The following PAX1 variants were observed in gnomAD, a reference collection of about 807,000 sequenced individuals.
PAX1 encodes paired box protein Pax-1.
Under a neutral mutation model 35.6 loss-of-function variants are expected in PAX1, and 18 were observed. The ratio of observed to expected loss-of-function variants is 0.50; its 90% CI spans 0.35 to 0.75. The LOEUF (loss-of-function observed/expected upper bound fraction) is 0.75. PAX1 is among the 30% of genes least tolerant of loss of function. PAX1 has a pLI of 0.01. For missense variants in PAX1, 760 were observed against 661.5 expected (o/e 1.15, Z -1.63); for synonymous variants, 397 against 305.2 (o/e 1.30, Z -3.14).
At chr20:21,708,432 G>A in intron 2 of PAX1, 126 bp from the exon 3 acceptor site, 1 of 1,081,850 alleles carries the variant, frequency 9.2e-7, no homozygotes, top group Non-Finnish European at 1.4e-6. Context: ...CTGGTGGAGT[G>A]TCAGGCCACC....
Position 21,715,133 on chromosome 20 carries a change from G to T in PAX1, c.*571G>T. The stretch of plus-strand genomic sequence containing the variant: ...CAGCCCTTTTTCCTGGTCCATCCCT[G>T]TCGTTCCTTCTCTCTCTGTCTCTGG... On this transcript the variant is annotated 3_prime_UTR_variant, in exon 5 of 5. Coordinates refer to ENST00000613128, the MANE Select transcript of PAX1 (RefSeq NM_001257096.2). 2.4e-6 allele frequency: 1 copy of T among 419,998 alleles called. No individual in the cohort carries two copies. Among genetic ancestry groups the T allele is most frequent in the Non-Finnish European group, 4.4e-6 (1 of 228,156 alleles). The allele number at this position is 419,998 out of a possible 1,614,324, so 26.0% of individuals were successfully genotyped here. A position where few individuals can be genotyped will look rare whatever the true frequency, so the allele number is the denominator to read the frequency against.
At chr20:21,709,581 A>C (rs1985136240) in intron 4 of PAX1, 137 bp downstream of exon 4, 2 of 655,264 alleles carry the variant, frequency 3.1e-6, no homozygotes, top group Non-Finnish European at 5.1e-6. Context: ...TTCTGGGTTA[A>C]CCTTTGAGCA....
At chr20:21,710,113 T>C (rs1985155341) in intron 4 of PAX1, among the ~76,000 whole-genome samples, 1 of 151,792 alleles carries the variant, frequency 6.6e-6, no homozygotes. Flanking sequence ...GTTCTCTCTT[T>C]CTGTGGAAAA....
intron 3 of PAX1, 72 bp downstream of exon 3, chr20:21,708,772 G>A: frequency 6.5e-7 from 1 of 1,538,594 alleles, no homozygotes; most frequent in Non-Finnish European, 9.0e-7. Flanking sequence ...GGGAAAAAGA[G>A]AGAGAAAGAA....
In PAX1 at chr20:21,707,070, C is replaced by G. The variant is rs1254478570; in HGVS notation, c.916+3C>G. 1.2e-6 allele frequency: 2 copies of G among 1,612,906 alleles called. No homozygotes were observed. The highest frequency in any genetic ancestry group is 1.7e-6 in the Non-Finnish European group (2 of 1,180,026). ...CCGGACGTTTATGGAGCAAACAGGT[C>G]AGTTGTGGCGGCCTCCGTAGCCTTC... On this transcript the variant is annotated splice_donor_region_variant and intron_variant, in intron 2 of 4. Coordinates refer to ENST00000613128, the MANE Select transcript of PAX1 (RefSeq NM_001257096.2).
chr20:21,706,003 G>T lies in PAX1; in HGVS notation c.286+5G>T. 2 of 1,470,006 alleles carry T rather than the reference G, an allele frequency of 1.4e-6. No homozygotes were observed. The highest frequency in any genetic ancestry group is 1.4e-5 in the South Asian group (1 of 72,582). 91.1% of individuals were successfully genotyped at this position (1,470,006 alleles called of 1,614,324 possible). Reference sequence around the variant, plus strand: ...TGGCCGGCCCGCTCGCTATGGGTAAGGGGCGGGCGACAGGCAGGGCTCGGG... The same window carrying T: ...TGGCCGGCCCGCTCGCTATGGGTAATGGGCGGGCGACAGGCAGGGCTCGGG... On this transcript the variant is annotated splice_donor_5th_base_variant and intron_variant, in intron 1 of 4. Transcript: ENST00000613128. This position sits in a 1 kb window ranked among gnomAD's most constrained non-coding sequence, Gnocchi z 5.3.
At position 21,708,649 on chromosome 20, in the gene PAX1, A is replaced by G. The variant is rs1351402181; in HGVS notation, c.1008A>G (p.Ala336=). The part of the protein sequence containing the change: ...VNRTAFPATP[A]VNGLEKPALE... Reference sequence around the variant, plus strand: ...GCACGGCCTTCCCCGCCACCCCCGCAGTGAATGGGCTAGAGAAACCTGCCT... The same window carrying G: ...GCACGGCCTTCCCCGCCACCCCCGCGGTGAATGGGCTAGAGAAACCTGCCT... Residue 336 remains alanine, a synonymous_variant, in exon 3 of 5, where the codon GCA becomes GCG. Transcript: ENST00000613128. The G allele has an allele frequency of 3.1e-6, 5 of 1,613,536 alleles. No homozygotes were observed. In the African/African-American group the frequency reaches 5.3e-5, roughly 17 times the overall value.
Position 21,714,915 on chromosome 20 carries a change from G to A in PAX1, c.*353G>A, listed in dbSNP as rs1187037858. The A allele has an allele frequency of 3.5e-6, 3 of 849,944 alleles. No homozygotes were observed. The highest frequency in any genetic ancestry group is 5.8e-6 in the Non-Finnish European group (3 of 518,202). The allele number at this position is 849,944 out of a possible 1,614,324, so 52.7% of individuals were successfully genotyped here. On this transcript the variant is annotated 3_prime_UTR_variant, in exon 5 of 5. Coordinates refer to ENST00000613128, the MANE Select transcript of PAX1 (RefSeq NM_001257096.2). ...CCGTCTCCGTCTCGCCTCTCTCCCT[G>A]TTTCCTTCCCCCCTCTTTCTTTCTC...
At chr20:21,709,491 A>G (rs748005657) in intron 4 of PAX1, 47 bp downstream of exon 4, 53 of 1,405,470 alleles carry the variant, frequency 3.8e-5, no homozygotes, top group African/African-American at 4.3e-5. Context: ...AAGGGTTAGG[A>G]AGGGTACTGG....
chr20:21,710,724 A>T (rs2122142690), intron 4 of PAX1, among the ~76,000 whole-genome samples: 1 of 152,308 alleles, frequency 6.6e-6, no homozygotes, highest in African/African-American at 2.4e-5. Flanking sequence ...GGAAATAAAG[A>T]TGCCATCCAC....
In PAX1 at chr20:21,717,900, T is replaced by G. The variant is rs900815836; in HGVS notation, c.*3338T>G. On this transcript the variant is annotated 3_prime_UTR_variant, in exon 5 of 5. Coordinates refer to ENST00000613128, the MANE Select transcript of PAX1 (RefSeq NM_001257096.2). The stretch of plus-strand genomic sequence containing the variant: ...AAAGGTGAATGCTGTTATAGTCTTT[T>G]GTGAATCTTTCCAGGAAAAACATGC... 1 of 152,218 alleles carries G rather than the reference T, an allele frequency of 6.6e-6. No homozygotes were observed. Among genetic ancestry groups the G allele is most frequent in the African/African-American group, 2.4e-5 (1 of 41,466 alleles). The allele number at this position is 152,218 out of a possible 1,614,324, so 9.4% of individuals were successfully genotyped here. A position where few individuals can be genotyped will look rare whatever the true frequency, so the allele number is the denominator to read the frequency against.
At position 21,708,642 on chromosome 20, in the gene PAX1, C is replaced by T; in HGVS notation, c.1001C>T (p.Thr334Ile). ...AGVNRTAFPA[T>I]PAVNGLEKPA... ...GTGAACCGCACGGCCTTCCCCGCCA[C>T]CCCCGCAGTGAATGGGCTAGAGAAA... Residue 334 changes from threonine (T) to isoleucine (I), a missense_variant, in exon 3 of 5, where the codon ACC (threonine) becomes ATC (isoleucine). Thr to Ile is a moderately conservative substitution (Grantham distance 89). Coordinates refer to ENST00000613128, the MANE Select transcript of PAX1 (RefSeq NM_001257096.2). The T allele has an allele frequency of 6.2e-7, 1 of 1,613,608 alleles. No homozygotes were observed. The highest frequency in any genetic ancestry group is 8.5e-7 in the Non-Finnish European group (1 of 1,179,988).
At chr20:21,707,160 G>A in intron 2 of PAX1, 93 bp downstream of exon 2, 3 of 1,514,380 alleles carry the variant, frequency 2.0e-6, no homozygotes, top group Non-Finnish European at 2.7e-6. Flanking sequence ...CTCTCCTCCC[G>A]GGACCGGTTC....
rs981358229 is a variant in PAX1 at position 21,717,628 on chromosome 20, A to G, written c.*3066A>G. The G allele has an allele frequency of 6.6e-6, 1 of 152,236 alleles. No individual in the cohort carries two copies. Among genetic ancestry groups the G allele is most frequent in the Non-Finnish European group, 1.5e-5 (1 of 68,040 alleles). The allele number at this position is 152,236 out of a possible 1,614,324, so 9.4% of individuals were successfully genotyped here. A position where few individuals can be genotyped will look rare whatever the true frequency, so the allele number is the denominator to read the frequency against. The stretch of plus-strand genomic sequence containing the variant: ...AAAATTATGCAGCACCACGTCAGGT[A>G]GAATAATTTGAGAAACAATCACTCC... On this transcript the variant is annotated 3_prime_UTR_variant, in exon 5 of 5. Transcript: ENST00000613128.
At position 21,714,689 on chromosome 20, in the gene PAX1, C is replaced by G. The variant is rs141035728; in HGVS notation, c.*127C>G. 1.3e-4 allele frequency: 213 copies of G among 1,605,842 alleles called. No homozygotes were observed. The African/African-American group carries it at 2.1e-3, about 16-fold the overall frequency. ...GACTCGCGGAGGAGGAAGCCAGTGC[C>G]GGCCCGCGGGGTGCACGCCCAGCCA... On this transcript the variant is annotated 3_prime_UTR_variant, in exon 5 of 5. Transcript: ENST00000613128.
rs1198890173 is a variant in PAX1 at position 21,715,877 on chromosome 20, C to T, written c.*1315C>T. 1 of 152,248 alleles carries T rather than the reference C, an allele frequency of 6.6e-6. No homozygotes were observed. The highest frequency in any genetic ancestry group is 1.5e-5 in the Non-Finnish European group (1 of 68,130). 9.4% of individuals were successfully genotyped at this position (152,248 alleles called of 1,614,324 possible). A position where few individuals can be genotyped will look rare whatever the true frequency, so the allele number is the denominator to read the frequency against. On this transcript the variant is annotated 3_prime_UTR_variant, in exon 5 of 5. Transcript: ENST00000613128. ...AAGTTAGGCGAGCTGGTGGTGGTAC[C>T]CTGGACATAATGCAATTCTGTAGTC...
chr20:21,714,940 C>T lies in PAX1; in HGVS notation c.*378C>T. ...GTTTCCTTCCCCCCTCTTTCTTTCT[C>T]ACTCTCCCTCCCTTCCCTTTCTCTT... On this transcript the variant is annotated 3_prime_UTR_variant, in exon 5 of 5. Transcript: ENST00000613128. 1 of 769,376 alleles carries T rather than the reference C, an allele frequency of 1.3e-6. No homozygotes were observed. Among genetic ancestry groups the T allele is most frequent in the South Asian group, 1.5e-5 (1 of 67,688 alleles). 47.7% of individuals were successfully genotyped at this position (769,376 alleles called of 1,614,324 possible). A position where few individuals can be genotyped will look rare whatever the true frequency, so the allele number is the denominator to read the frequency against.
intron 4 of PAX1, among the ~76,000 whole-genome samples, chr20:21,710,198 C>T (rs982529950): frequency 1.3e-5 from 2 of 151,998 alleles, no homozygotes; most frequent in African/African-American, 2.4e-5. Context: ...CCTGAAAAGT[C>T]GAGGAACAGA....
In PAX1 at chr20:21,705,875, G is replaced by T; in HGVS notation, c.163G>T (p.Ala55Ser). 2.2e-6 allele frequency: 3 copies of T among 1,393,482 alleles called. No individual in the cohort carries two copies. Among genetic ancestry groups the T allele is most frequent in the Non-Finnish European group, 2.8e-6 (3 of 1,071,164 alleles). The allele number at this position is 1,393,482 out of a possible 1,614,324, so 86.3% of individuals were successfully genotyped here. A position where few individuals can be genotyped will look rare whatever the true frequency, so the allele number is the denominator to read the frequency against. The change falls in exon 1 of 5, where the codon GCC becomes TCC. Residue 55 changes from alanine to serine, a missense_variant. This residue lies in a region of PAX1 where 222 missense variants were observed against 153.0 expected (regional missense o/e 1.45). Transcript: ENST00000613128. ...LGRRGSRLSG[A>S]LPLCLSRGGG... ...CCGCCGCGGCTCTCGGCTCTCGGGC[G>T]CCCTCCCTCTATGCCTCTCACGCGG... is the stretch of plus-strand genomic sequence containing the variant.
Sources: gnomAD v4.1 joint callset for allele counts (sites outside exome capture counted in the v4.1 genomes callset) on GRCh38, gnomAD v4.1.1 for gene constraint, gnomAD v4.1.1 regional missense constraint, Gnocchi (gnomAD v3.1) non-coding constraint, MANE v1.5 for transcripts, NCBI Gene and HGNC (gene_info 2026-07-23, HGNC 2026-07-21) for gene names.